SLC28A3: variants seen among roughly 807,000 people sequenced by gnomAD.
The protein encoded by SLC28A3 is solute carrier family 28 member 3.
SLC28A3 carries 68 observed loss-of-function variants against 84.2 expected under a neutral mutation model. The ratio of observed to expected loss-of-function variants is 0.81; its 90% CI spans 0.66 to 0.99. SLC28A3 has a LOEUF of 0.99. Among genes scored for constraint, SLC28A3 ranks in the 50% least tolerant of loss-of-function variants. SLC28A3 has a pLI of 0.00. For synonymous variants in SLC28A3, 267 were observed against 303.6 expected (o/e 0.88, Z 1.25); for missense variants, 712 against 841.5 (o/e 0.85, Z 1.90).
rs967324634 is a variant in SLC28A3 at position 84,276,305 on chromosome 9, G to GAGTT, written c.*1909_*1912dup. 10 of 149,492 alleles carry GAGTT rather than the reference G, an allele frequency of 6.7e-5. No individual in the cohort carries two copies. In the East Asian group the frequency reaches 1.9e-3, roughly 29 times the overall value. 9.3% of individuals were successfully genotyped at this position (149,492 alleles called of 1,614,324 possible). ...ACTGAAATAATATCTCCAATGTATT[G>GAGTT]AGTTAAATATATTAAAATTAATTTT... On this transcript the variant is annotated 3_prime_UTR_variant, in exon 18 of 18. Coordinates refer to ENST00000376238, the MANE Select transcript of SLC28A3 (RefSeq NM_001199633.2).
At chr9:84,279,413 T>C in intron 16 of SLC28A3, 28 bp from the exon 17 acceptor site, 1 of 1,417,302 alleles carries the variant, frequency 7.1e-7, no homozygotes, top group Non-Finnish European at 9.3e-7. Context: ...TCCCATTTAT[T>C]TATTATTTTT....
the SLC28A3 span, among the ~76,000 whole-genome samples, chr9:84,360,223 G>A: frequency 2.0e-5 from 3 of 151,994 alleles, no homozygotes; most frequent in African/African-American, 7.2e-5. Context: ...GAACGGATAT[G>A]GTCAAGGGCC....
chr9:84,359,201 T>C, the SLC28A3 span, among the ~76,000 whole-genome samples: 1 of 152,226 alleles, frequency 6.6e-6, no homozygotes. Flanking sequence ...ATGGAGCACA[T>C]TGGGCCATGA....
chr9:84,358,277 A>G, the SLC28A3 span, among the ~76,000 whole-genome samples: 2 of 152,180 alleles, frequency 1.3e-5, no homozygotes, highest in South Asian at 4.1e-4. Flanking sequence ...CCTTACATAC[A>G]GTCCAGTGGA....
intron 3 of SLC28A3, among the ~76,000 whole-genome samples, chr9:84,306,599 C>A (rs1825799005): frequency 6.6e-6 from 1 of 152,062 alleles, no homozygotes; most frequent in African/African-American, 2.4e-5. Context: ...TAATTCCCAA[C>A]CCATTAACCT....
intron 15 of SLC28A3, among the ~76,000 whole-genome samples, chr9:84,280,577 G>A (rs1824708495): frequency 6.6e-6 from 1 of 152,152 alleles, no homozygotes; most frequent in South Asian, 2.1e-4. Context: ...TCACCCCTGG[G>A]CTGGGAGAAG....
At chr9:84,348,859 C>A in the SLC28A3 span, among the ~76,000 whole-genome samples, 2 of 152,156 alleles carry the variant, frequency 1.3e-5, no homozygotes, top group Admixed American at 6.5e-5. Flanking sequence ...GCGGCTAGTG[C>A]CATGCTCTTG....
intron 4 of SLC28A3, among the ~76,000 whole-genome samples, chr9:84,303,673 A>G (rs1338301076): frequency 6.6e-6 from 1 of 152,086 alleles, no homozygotes; most frequent in African/African-American, 2.4e-5. Context: ...TTTCCTCTTG[A>G]TATGAGACCG....
At chr9:84,359,584 G>A in the SLC28A3 span, among the ~76,000 whole-genome samples, 2 of 152,116 alleles carry the variant, frequency 1.3e-5, no homozygotes, top group Admixed American at 6.6e-5. Flanking sequence ...TAGGGAGAAA[G>A]CATGCATAAA....
chr9:84,321,067 G>A (rs1826360133), intron 1 of SLC28A3, among the ~76,000 whole-genome samples: 1 of 152,048 alleles, frequency 6.6e-6, no homozygotes, highest in Non-Finnish European at 1.5e-5. Flanking sequence ...AGTTCAAGGT[G>A]CTACTTCTAG....
intron 1 of SLC28A3, among the ~76,000 whole-genome samples, chr9:84,329,319 T>A (rs1826687410): frequency 6.6e-6 from 1 of 152,192 alleles, no homozygotes; most frequent in African/African-American, 2.4e-5. Context: ...ACTAGAGAGA[T>A]GGTCAGTAAG....
At chr9:84,311,238 G>A (rs953701909) in intron 2 of SLC28A3, among the ~76,000 whole-genome samples, 1 of 151,802 alleles carries the variant, frequency 6.6e-6, no homozygotes, top group Admixed American at 6.6e-5. Flanking sequence ...ATTTATAATT[G>A]AAAAATATCT....
chr9:84,289,221 G>T (rs1028531458), intron 11 of SLC28A3, among the ~76,000 whole-genome samples: 2 of 152,160 alleles, frequency 1.3e-5, no homozygotes, highest in African/African-American at 4.8e-5. Context: ...CTGCTCCACA[G>T]GTGTCCTTTG....
chr9:84,309,697 T>G lies in SLC28A3; in HGVS notation c.174A>C (p.Thr58=). The part of the protein sequence containing the change: ...TNTKQDEEQV[T]VEQDSPRNRE... ...TGTTTCTTGGAGAATCCTGCTCAAC[T>G]GTGACCTGTTCTTCATCCTGGAAAT... is the stretch of plus-strand genomic sequence containing the variant. The change falls in exon 3 of 18, where the codon ACA becomes ACC. Residue 58 remains threonine, a synonymous_variant. Coordinates refer to ENST00000376238, the MANE Select transcript of SLC28A3 (RefSeq NM_001199633.2). 6.2e-7 allele frequency: 1 copy of G among 1,613,938 alleles called. No individual in the cohort carries two copies. The highest frequency in any genetic ancestry group is 8.5e-7 in the Non-Finnish European group (1 of 1,179,940).
intron 1 of SLC28A3, among the ~76,000 whole-genome samples, chr9:84,323,843 C>T (rs1240701275): frequency 6.6e-6 from 1 of 151,990 alleles, no homozygotes; most frequent in Non-Finnish European, 1.5e-5. Flanking sequence ...TCTTCAGAAG[C>T]TCATCACTTT....
Position 84,340,753 on chromosome 9 carries a change from C to T in SLC28A3, c.-120G>A. 8.7e-7 allele frequency: 1 copy of T among 1,155,290 alleles called. No homozygotes were observed. Among genetic ancestry groups the T allele is most frequent in the Non-Finnish European group, 1.3e-6 (1 of 794,724 alleles). The allele number at this position is 1,155,290 out of a possible 1,614,324, so 71.6% of individuals were successfully genotyped here. A position where few individuals can be genotyped will look rare whatever the true frequency, so the allele number is the denominator to read the frequency against. The stretch of plus-strand genomic sequence containing the variant: ...ACAGGGACCTGGGCACAGCTTGCTT[C>T]AGTTTGGAAACTTCTGCAATAATCT... On this transcript the variant is annotated 5_prime_UTR_variant, in exon 1 of 18. Coordinates refer to ENST00000376238, the MANE Select transcript of SLC28A3 (RefSeq NM_001199633.2).
At chr9:84,338,104 T>C (rs1031544562) in intron 1 of SLC28A3, among the ~76,000 whole-genome samples, 8 of 152,230 alleles carry the variant, frequency 5.3e-5, no homozygotes, top group Non-Finnish European at 1.0e-4. Context: ...CATATCAGCA[T>C]TTCAAGCTGT....
At chr9:84,301,349 C>CAAAG (rs1260259405) in intron 5 of SLC28A3, among the ~76,000 whole-genome samples, 4 of 44,714 alleles carry the variant, frequency 8.9e-5, no homozygotes, top group African/African-American at 2.5e-4. Context: ...GACTCTGTCT[C>CAAAG]AAAAAAAAAA....
chr9:84,347,708 C>A, the SLC28A3 span, among the ~76,000 whole-genome samples: 2 of 152,118 alleles, frequency 1.3e-5, no homozygotes, highest in Non-Finnish European at 2.9e-5. Flanking sequence ...GCACAGGTGT[C>A]GGGCTGCTAT....
Sources: allele counts gnomAD v4.1 joint callset (sites outside exome capture counted in the v4.1 genomes callset), GRCh38; gene constraint gnomAD v4.1.1; transcripts MANE v1.5; gene names NCBI Gene and HGNC (gene_info 2026-07-23, HGNC 2026-07-21).